SATB2: variants seen among roughly 807,000 people sequenced by gnomAD.
The protein encoded by SATB2 is SATB homeobox 2.
SATB2 carries 1 observed loss-of-function variant against 73.4 expected under a neutral mutation model. The ratio of observed to expected loss-of-function variants is 0.01; its 90% CI spans 0.00 to 0.06. SATB2 has a LOEUF of 0.06. SATB2 is among the 10% of genes least tolerant of loss of function. SATB2 has a pLI of 1.00. For synonymous variants in SATB2, 397 were observed against 367.0 expected, an observed-to-expected ratio of 1.08 and a Z score of -0.93; for missense variants, 459 against 945.8, an observed-to-expected ratio of 0.49 and a Z score of 6.75.
intron 3 of SATB2, 140 bp downstream of exon 3, chr2:199,433,198 A>G (rs1017854749): frequency 2.7e-5 from 23 of 859,904 alleles, no homozygotes; most frequent in Non-Finnish European, 3.7e-5. Context: ...TCTACAAGAA[A>G]TATTCTACTG....
intron 6 of SATB2, among the ~76,000 whole-genome samples, chr2:199,356,570 G>T (rs1467060525): frequency 6.6e-6 from 1 of 152,122 alleles, no homozygotes; most frequent in East Asian, 1.9e-4. Flanking sequence ...TAAAAAATGT[G>T]CTCTAGGTCG....
At chr2:199,370,447 G>A (rs368319605) in intron 5 of SATB2, among the ~76,000 whole-genome samples, 118 of 152,150 alleles carry the variant, frequency 7.8e-4, no homozygotes, top group African/African-American at 2.7e-3. Flanking sequence ...AACCACAAAC[G>A]TACTTGTCAT....
At chr2:199,286,272 G>A (rs748055764) in intron 10 of SATB2, among the ~76,000 whole-genome samples, 1 of 152,166 alleles carries the variant, frequency 6.6e-6, no homozygotes, top group African/African-American at 2.4e-5. Context: ...TAGCTATGAA[G>A]AGAGTATAGA....
At chr2:199,370,946 CAAAAA>C (rs67348909) in intron 5 of SATB2, among the ~76,000 whole-genome samples, 8 of 69,566 alleles carry the variant, frequency 1.1e-4, no homozygotes, top group Admixed American at 1.4e-4. Context: ...ATGAACTGAG[CAAAAA>C]AAAAAAAAAA....
chr2:199,299,493 G>A (rs1687217651), intron 10 of SATB2, among the ~76,000 whole-genome samples: 1 of 152,078 alleles, frequency 6.6e-6, no homozygotes, highest in South Asian at 2.1e-4. Context: ...CAGGAACAGA[G>A]GAAGAAATAG....
chr2:199,313,169 A>G (rs1687640987), intron 9 of SATB2, among the ~76,000 whole-genome samples: 1 of 152,182 alleles, frequency 6.6e-6, no homozygotes, highest in Admixed American at 6.5e-5. Context: ...AGGTGTCAAC[A>G]TTAGGGGAAG....
At chr2:199,291,041 T>C (rs1420555284) in intron 10 of SATB2, among the ~76,000 whole-genome samples, 2 of 152,162 alleles carry the variant, frequency 1.3e-5, no homozygotes, top group Non-Finnish European at 2.9e-5. Flanking sequence ...GAGCAAAATA[T>C]GAAAGAATAT....
intron 2 of SATB2, among the ~76,000 whole-genome samples, chr2:199,446,744 A>G (rs1315700316): frequency 6.6e-6 from 1 of 152,144 alleles, no homozygotes; most frequent in Non-Finnish European, 1.5e-5. Flanking sequence ...GGATTAAATA[A>G]CTTTTTTAAA....
At chr2:199,388,979 T>G (rs1690039412) in intron 3 of SATB2, among the ~76,000 whole-genome samples, 1 of 152,162 alleles carries the variant, frequency 6.6e-6, no homozygotes, top group Non-Finnish European at 1.5e-5. Flanking sequence ...AATTAAAAAC[T>G]GTCTATCCTA....
At chr2:199,420,865 G>C (rs1341266368) in intron 3 of SATB2, among the ~76,000 whole-genome samples, 1 of 151,902 alleles carries the variant, frequency 6.6e-6, no homozygotes, top group Non-Finnish European at 1.5e-5. Flanking sequence ...TGAAACATTG[G>C]TTTCATAACT....
upstream of SATB2, among the ~76,000 whole-genome samples, chr2:199,466,949 C>T (rs557353386): frequency 3.3e-5 from 5 of 152,268 alleles, no homozygotes; most frequent in African/African-American, 9.6e-5. Flanking sequence ...GACAGTTATG[C>T]GCCGTGAACT....
At chr2:199,374,193 T>C (rs979506200) in intron 5 of SATB2, among the ~76,000 whole-genome samples, 7 of 152,364 alleles carry the variant, frequency 4.6e-5, no homozygotes, top group Admixed American at 3.3e-4. Flanking sequence ...TGCAGCTCAA[T>C]AGCTTTAGTC....
intron 2 of SATB2, among the ~76,000 whole-genome samples, chr2:199,436,838 C>A (rs1691665614): frequency 6.9e-6 from 1 of 144,116 alleles, no homozygotes; most frequent in Non-Finnish European, 1.5e-5. Flanking sequence ...AAATATATGC[C>A]AAGAAAGAGA....
In SATB2 at chr2:199,462,997, GTGGGCACTGCCTGCCC is replaced by G. The variant is rs765643541; in HGVS notation, c.-141+1823_-141+1838del. ...CCGGGGTAGGAGATGGGCGTCGGGT[GTGGGCACTGCCTGCCC>G]TGGGGGAAGAAAGCGAGGAGATAGG... On this transcript the variant is annotated intron_variant, in intron 1 of 11. Coordinates refer to the SATB2 transcript ENST00000260926. The surrounding 1 kb of genome is among the most constrained non-coding windows in gnomAD (Gnocchi z 5.9). 5.3e-5 allele frequency among the ~76,000 whole-genome samples: 8 copies of G among 152,208 alleles called. No individual in the cohort carries two copies. Among genetic ancestry groups the G allele is most frequent in the Non-Finnish European group, 5.9e-5 (4 of 68,028 alleles).
chr2:199,386,279 G>C (rs1321731589), intron 3 of SATB2, among the ~76,000 whole-genome samples: 3 of 152,168 alleles, frequency 2.0e-5, no homozygotes, highest in Non-Finnish European at 4.4e-5. Flanking sequence ...ACACTCAAAA[G>C]ATCTCAGATT....
At chr2:199,297,258 T>C (rs1687136451) in intron 10 of SATB2, among the ~76,000 whole-genome samples, 1 of 152,232 alleles carries the variant, frequency 6.6e-6, no homozygotes, top group Non-Finnish European at 1.5e-5. Context: ...TAGTAAAATT[T>C]GCAAATGTTT....
chr2:199,380,626 A>T (rs1689741925), intron 4 of SATB2, 139 bp from the exon 5 acceptor site: 2 of 1,105,872 alleles, frequency 1.8e-6, no homozygotes, highest in African/African-American at 3.0e-5. Flanking sequence ...AAGTGAAGGA[A>T]GGGAAGTAAA....
intron 10 of SATB2, among the ~76,000 whole-genome samples, chr2:199,296,521 T>G (rs920292696): frequency 6.6e-6 from 1 of 152,026 alleles, no homozygotes; most frequent in African/African-American, 2.4e-5. Flanking sequence ...TGAAACCACA[T>G]CTCTACTAAA....
At chr2:199,353,232 G>GCAAA (rs1051572904) in intron 6 of SATB2, among the ~76,000 whole-genome samples, 9 of 127,932 alleles carry the variant, frequency 7.0e-5, no homozygotes, top group African/African-American at 2.7e-4. Flanking sequence ...TCAGCTCACT[G>GCAAA]CAACCTCCAC....
Sources: allele counts gnomAD v4.1 joint callset (sites outside exome capture counted in the v4.1 genomes callset), GRCh38; gene constraint gnomAD v4.1.1; non-coding constraint Gnocchi (gnomAD v3.1); transcripts MANE v1.5; gene names NCBI Gene and HGNC (gene_info 2026-07-23, HGNC 2026-07-21).